The following FGFR1 variants were observed in gnomAD, a reference collection of about 807,000 sequenced individuals.
The protein encoded by FGFR1 is FGFR1/PLAG1 fusion.
A neutral mutation model predicts 93.7 loss-of-function variants in FGFR1; 18 were observed. That is an observed-to-expected ratio of 0.19 (90% CI 0.13 to 0.28). The LOEUF (loss-of-function observed/expected upper bound fraction) is 0.28. Among genes scored for constraint, FGFR1 ranks in the 10% least tolerant of loss-of-function variants. FGFR1 has a pLI of 1.00. For synonymous variants in FGFR1, 448 were observed against 429.3 expected (o/e 1.04, Z -0.54); for missense variants, 731 against 1,080.4 (o/e 0.68, Z 4.53).
intron 1 of FGFR1, among the ~76,000 whole-genome samples, chr8:38,460,530 G>A (rs537438481): frequency 6.6e-6 from 1 of 152,210 alleles, no homozygotes; most frequent in Non-Finnish European, 1.5e-5. Flanking sequence ...TCCCAGGTGT[G>A]GGCTGGCTGC....
At position 38,412,421 on chromosome 8, in the gene FGFR1, ACCGGTTTCCT is replaced by A. The variant is rs1198698726; in HGVS notation, c.*1197_*1206del. On this transcript the variant is annotated 3_prime_UTR_variant, in exon 18 of 18. Transcript: ENST00000447712. ...GGTGCCCCCTCCCCAGCCCAACCCC[ACCGGTTTCCT>A]TGGAGGAAACCATCCATGGTCGATG... The A allele has an allele frequency of 4.3e-6, 1 of 232,816 alleles. No individual in the cohort carries two copies. Among genetic ancestry groups the A allele is most frequent in the Non-Finnish European group, 8.5e-6 (1 of 117,798 alleles). 14.4% of individuals were successfully genotyped at this position (232,816 alleles called of 1,614,324 possible).
intron 11 of FGFR1, 102 bp downstream of exon 11, chr8:38,417,768 G>C: frequency 6.5e-7 from 1 of 1,547,758 alleles, no homozygotes; most frequent in Non-Finnish European, 8.9e-7. Context: ...GAGCAGGTGT[G>C]GGCAGCAAAG....
At chr8:38,455,486 T>C (rs991212678) in intron 2 of FGFR1, among the ~76,000 whole-genome samples, 1 of 151,966 alleles carries the variant, frequency 6.6e-6, no homozygotes, top group African/African-American at 2.4e-5. Flanking sequence ...AGAGATGGGG[T>C]TTCACCGTGT....
At chr8:38,436,790 A>T (rs2151062003) in intron 2 of FGFR1, among the ~76,000 whole-genome samples, 1 of 152,226 alleles carries the variant, frequency 6.6e-6, no homozygotes, top group South Asian at 2.1e-4. Flanking sequence ...CAGGAACACG[A>T]TTAATGATAA....
At position 38,429,014 on chromosome 8, in the gene FGFR1, A is replaced by C. The variant is rs560309662; in HGVS notation, c.359-579T>G. ...TCTTGTAAGAACACGCTTGATACAC[A>C]TGTGGTCACCCATCAGGGTTCATGC... On this transcript the variant is annotated intron_variant, in intron 3 of 17. Coordinates refer to ENST00000447712, the MANE Select transcript of FGFR1 (RefSeq NM_023110.3). This position sits in a 1 kb window ranked among gnomAD's most constrained non-coding sequence, Gnocchi z 4.4. 8.9e-6 allele frequency: 3 copies of C among 336,502 alleles called. No homozygotes were observed. Among genetic ancestry groups the C allele is most frequent in the Non-Finnish European group, 1.8e-5 (3 of 171,230 alleles). 20.8% of individuals were successfully genotyped at this position (336,502 alleles called of 1,614,324 possible).
rs112034315 is a variant in FGFR1 at position 38,416,965 on chromosome 8, A to G, written c.1663+341T>C. On this transcript the variant is annotated intron_variant, in intron 12 of 17. Coordinates refer to ENST00000447712, the MANE Select transcript of FGFR1 (RefSeq NM_023110.3). ...GATGGGGTTTCACCATTTTGACCAG[A>G]CTGGTCTCGAACTCCTGATCTCAAG... Among the ~76,000 whole-genome samples the G allele has an allele frequency of 4.4e-3, 658 of 150,942 alleles. 4 individuals carry two copies. The highest frequency in any genetic ancestry group is 0.014 in the African/African-American group (574 of 41,036).
intron 2 of FGFR1, among the ~76,000 whole-genome samples, chr8:38,442,362 G>GGGGTGTGTGTGT (rs1827785213): frequency 6.9e-6 from 1 of 145,980 alleles, no homozygotes; most frequent in African/African-American, 2.5e-5. Flanking sequence ...TTGTTAAAGT[G>GGGGTGTGTGTGT]GTGTGTGTGT....
intron 1 of FGFR1, chr8:38,463,518 G>A (rs1834873049): frequency 1.8e-5 from 4 of 221,438 alleles, no homozygotes; most frequent in Non-Finnish European, 3.6e-5. Context: ...AACAGGGTCT[G>A]TGCCTCCCTA....
At position 38,429,711 on chromosome 8, in the gene FGFR1, T is replaced by C. The variant is rs1183685814; in HGVS notation, c.329A>G (p.Asp110Gly). 1 of 1,573,100 alleles carries C rather than the reference T, an allele frequency of 6.4e-7. No homozygotes were observed. The highest frequency in any genetic ancestry group is 8.6e-7 in the Non-Finnish European group (1 of 1,158,866). Residue 110 changes from aspartate (D) to glycine (G), a missense_variant, in exon 3 of 18, where the codon GAC (aspartate) becomes GGC (glycine). By Grantham distance (94) the Asp-to-Gly change is moderately conservative. Transcript: ENST00000447712. This position sits in a 1 kb window ranked among gnomAD's most constrained non-coding sequence, Gnocchi z 4.4. ...ACVTSSPSGS[D>G]TTYFSVNVSD... ...AACATTGACGGAGAAGTAGGTGGTG[T>C]CACTGCCCGAGGGGCTGCTGGTTAC...
rs989394574 is a variant in FGFR1 at position 38,413,720 on chromosome 8, C to A, written c.2377G>T (p.Asp793Tyr). ...TRSSTCSSGE[D>Y]SVFSHEPLPE... is the part of the protein sequence containing the mutation. ...AGCGGCTCATGAGAGAAGACGGAAT[C>A]CTCCCCTGAGGAGCACGTAGAGCTC... The change falls in exon 18 of 18, where the codon GAT becomes TAT. Residue 793 changes from aspartate (D) to tyrosine (Y), a missense_variant. Around this residue, in one of 10 missense-constraint regions of FGFR1, gnomAD observed 79 missense variants for 97.2 expected, o/e 0.81. Transcript: ENST00000447712. This position sits in a 1 kb window ranked among gnomAD's most constrained non-coding sequence, Gnocchi z 4.2. 6.2e-7 allele frequency: 1 copy of A among 1,614,022 alleles called. No homozygotes were observed. Among genetic ancestry groups the A allele is most frequent in the Non-Finnish European group, 8.5e-7 (1 of 1,179,988 alleles).
chr8:38,439,189 G>C (rs1203605891), intron 2 of FGFR1, among the ~76,000 whole-genome samples: 1 of 152,160 alleles, frequency 6.6e-6, no homozygotes, highest in South Asian at 2.1e-4. Flanking sequence ...AAGCTCTAGA[G>C]GCTGCATCTG....
chr8:38,465,832 C>T (rs1049097936), intron 1 of FGFR1: 5 of 219,950 alleles, frequency 2.3e-5, no homozygotes, highest in Non-Finnish European at 4.6e-5. Context: ...AGATAGTATT[C>T]CAAAAAAAGC....
intron 2 of FGFR1, among the ~76,000 whole-genome samples, chr8:38,447,517 T>C (rs564759133): frequency 6.6e-6 from 1 of 152,296 alleles, no homozygotes; most frequent in African/African-American, 2.4e-5. Flanking sequence ...AGCGTTGCTC[T>C]GTCGCCCAGG....
In FGFR1 at chr8:38,427,973, C is replaced by T. The variant is rs1554567027; in HGVS notation, c.569G>A (p.Trp190Ter). 1 of 1,614,256 alleles carries T rather than the reference C, an allele frequency of 6.2e-7. No homozygotes were observed. The highest frequency in any genetic ancestry group is 8.5e-7 in the Non-Finnish European group (1 of 1,180,050). ...TTTGAATTCTTTGCCATTTTTCAAC[C>T]AGCGCAGTGTGGGGTTTGGGGTCCC... Reference protein sequence around the residue: ...SSGTPNPTLRWLKNGKEFKPD... With the variant: ...SSGTPNPTLR Residue 190 changes from tryptophan (W) to a stop codon, truncating the protein, a stop_gained, in exon 5 of 18, where the codon TGG becomes TAG. Transcript: ENST00000447712. LOFTEE classifies it high-confidence loss of function.
rs58594253 is a variant in FGFR1, at chr8:38,423,312, G to GTTTT, written c.936+1193_936+1196dup. On this transcript the variant is annotated intron_variant, in intron 7 of 17. Transcript: ENST00000447712. ...TGAGATTTATTACCTTTCCCTTTTAGTTTTTTTTTTTTTTTTTTTTTTTAA... is the reference window on the plus strand; with the variant it reads ...TGAGATTTATTACCTTTCCCTTTTAGTTTTTTTTTTTTTTTTTTTTTTTTTTTAA... The GTTTT allele has an allele frequency of 2.6e-3, 921 of 359,922 alleles. 2 individuals are homozygous for GTTTT. The highest frequency in any genetic ancestry group is 4.8e-3 in the East Asian group (78 of 16,108). 22.3% of individuals were successfully genotyped at this position (359,922 alleles called of 1,614,324 possible).
intron 5 of FGFR1, 106 bp downstream of exon 5, chr8:38,427,815 T>TA: frequency 8.1e-7 from 1 of 1,236,598 alleles, no homozygotes; most frequent in Non-Finnish European, 1.2e-6. Context: ...ATAACCTGTA[T>TA]AGGTGGAAAG....
At chr8:38,417,697 T>C (rs968541073) in intron 11 of FGFR1, among the ~76,000 whole-genome samples, 173 bp downstream of exon 11, 9 of 152,122 alleles carry the variant, frequency 5.9e-5, no homozygotes, top group Admixed American at 2.6e-4. Context: ...AGTGACGTCA[T>C]AGAACAATCT....
In FGFR1 at chr8:38,419,701, G is replaced by C. The variant is rs1032572451; in HGVS notation, c.1116C>G (p.Pro372=). The C allele has an allele frequency of 6.2e-7, 1 of 1,614,014 alleles. No individual in the cohort carries two copies. Among genetic ancestry groups the C allele is most frequent in the African/African-American group, 1.3e-5 (1 of 74,908 alleles). The change falls in exon 9 of 18, where the codon CCC becomes CCG. Residue 372 remains proline (P), a synonymous_variant. Transcript: ENST00000447712. ...LEERPAVMTS[P]LYLEIIIYCT... ...AATAGATGATGATCTCCAGGTACAG[G>C]GGCGAGGTCATCACTGCCGGCCTCT... is the stretch of plus-strand genomic sequence containing the variant.
chr8:38,444,828 G>A (rs1273969928), intron 2 of FGFR1, among the ~76,000 whole-genome samples: 1 of 152,178 alleles, frequency 6.6e-6, no homozygotes, highest in Non-Finnish European at 1.5e-5. Context: ...TCTCAGCAAA[G>A]TCAGTATTCC....
Sources: allele counts gnomAD v4.1 joint callset (sites outside exome capture counted in the v4.1 genomes callset), GRCh38; gene constraint gnomAD v4.1.1; regional missense constraint gnomAD v4.1.1; non-coding constraint Gnocchi (gnomAD v3.1); transcripts MANE v1.5; gene names NCBI Gene and HGNC (gene_info 2026-07-23, HGNC 2026-07-21).